N4BP2: variants seen among roughly 807,000 people sequenced by gnomAD.
N4BP2 encodes NEDD4 binding protein 2.
N4BP2 carries 91 observed loss-of-function variants against 152.8 expected under a neutral mutation model. That is an observed-to-expected ratio of 0.60 (90% CI 0.50 to 0.71). The LOEUF (loss-of-function observed/expected upper bound fraction) is 0.71, where lower values mean the gene tolerates loss of function less well. Ranked by LOEUF, N4BP2 falls within the 30% of genes least tolerant of loss-of-function variation. The pLI is 0.00. For synonymous variants in N4BP2, 646 were observed against 705.3 expected, an observed-to-expected ratio of 0.92 and a Z score of 1.33; for missense variants, 1,923 against 2,059.1, an observed-to-expected ratio of 0.93 and a Z score of 1.28.
At position 40,084,951 on chromosome 4, in the gene N4BP2, C is replaced by T. The variant is rs376658244; in HGVS notation, c.-115+11400C>T. Among the ~76,000 whole-genome samples the T allele has an allele frequency of 4.8e-4, 62 of 128,286 alleles. No homozygotes were observed. The East Asian group carries it at 7.8e-3, about 16-fold the overall frequency. 84.2% of individuals were successfully genotyped at this position (128,286 alleles called of 152,430 possible). A position where few individuals can be genotyped will look rare whatever the true frequency, so the allele number is the denominator to read the frequency against. The stretch of plus-strand genomic sequence containing the variant: ...TTTTTGAGATGGAGTCTCGCTGTGT[C>T]GCCCAGGCTAGAATGCAGTGGTGCG... On this transcript the variant is annotated intron_variant, in intron 2 of 17. Transcript: ENST00000261435.
chr4:40,065,126 A>G (rs1560566638), intron 1 of N4BP2, among the ~76,000 whole-genome samples: 1 of 152,140 alleles, frequency 6.6e-6, no homozygotes, highest in Non-Finnish European at 1.5e-5. Flanking sequence ...GAAATGGGCT[A>G]CCTTGTGTGG....
At position 40,120,675 on chromosome 4, in the gene N4BP2, A is replaced by T; in HGVS notation, c.2564A>T (p.Gln855Leu). 1 of 1,614,134 alleles carries T rather than the reference A, an allele frequency of 6.2e-7. No individual in the cohort carries two copies. Among genetic ancestry groups the T allele is most frequent in the African/African-American group, 1.3e-5 (1 of 75,062 alleles). The change falls in exon 9 of 18, where the codon CAG (glutamine) becomes CTG (leucine). Residue 855 changes from glutamine (Q) to leucine (L), a missense_variant. Gln to Leu is a moderately radical substitution (Grantham distance 113, BLOSUM62 -2). Transcript: ENST00000261435. ...AGTGTAGAGGATGGCAGAAAGTCAC[A>T]GTGTGATGATGCTTCAGAGCCACTC... Reference protein sequence around the residue: ...HESVEDGRKSQCDDASEPLNS... With the variant: ...HESVEDGRKSLCDDASEPLNS...
At chr4:40,110,729 G>A (rs963480915) in intron 5 of N4BP2, among the ~76,000 whole-genome samples, 3 of 152,072 alleles carry the variant, frequency 2.0e-5, no homozygotes, top group Non-Finnish European at 4.4e-5. Flanking sequence ...GTAGAGACGG[G>A]GTTTCACTGT....
intron 1 of N4BP2, among the ~76,000 whole-genome samples, chr4:40,061,763 C>T (rs1733673975): frequency 6.6e-6 from 1 of 151,746 alleles, no homozygotes; most frequent in South Asian, 2.1e-4. Context: ...CTACCACATT[C>T]AAGTGATTCT....
intron 1 of N4BP2, among the ~76,000 whole-genome samples, chr4:40,061,821 C>T (rs749498973): frequency 3.3e-5 from 5 of 151,488 alleles, no homozygotes; most frequent in Non-Finnish European, 4.4e-5. Context: ...CCTGCCACCA[C>T]GCTTGGCTAA....
intron 16 of N4BP2, among the ~76,000 whole-genome samples, chr4:40,150,765 T>TA (rs1325861486): frequency 6.6e-6 from 1 of 152,164 alleles, no homozygotes; most frequent in African/African-American, 2.4e-5. Flanking sequence ...GAAACCTTGT[T>TA]ACTTAAGAAA....
chr4:40,118,119 T>C (rs1717525797), intron 8 of N4BP2, 95 bp downstream of exon 8: 1 of 1,101,920 alleles, frequency 9.1e-7, no homozygotes, highest in Non-Finnish European at 1.2e-6. Context: ...TGATAAACTT[T>C]AAAAATAAGG....
Position 40,157,447 on chromosome 4 carries a change from A to T in N4BP2, c.*3210A>T, listed in dbSNP as rs1397754018. 6.6e-6 allele frequency: 1 copy of T among 152,024 alleles called. No individual in the cohort carries two copies. Among genetic ancestry groups the T allele is most frequent in the East Asian group, 1.9e-4 (1 of 5,190 alleles). 9.4% of individuals were successfully genotyped at this position (152,024 alleles called of 1,614,324 possible). The stretch of plus-strand genomic sequence containing the variant: ...TTTAGGTCTTTTCTTTTTGAATTCA[A>T]GTGTTTTGTATGCTTAGAAAGTAGA... On this transcript the variant is annotated 3_prime_UTR_variant, in exon 18 of 18. Coordinates refer to ENST00000261435, the MANE Select transcript of N4BP2 (RefSeq NM_018177.6).
intron 13 of N4BP2, among the ~76,000 whole-genome samples, chr4:40,134,921 CTT>C (rs1379191541): frequency 4.5e-5 from 3 of 66,106 alleles, no homozygotes; most frequent in Non-Finnish European, 1.0e-4. Context: ...CTCTCTCTCT[CTT>C]TCTTTCTTTT....
At chr4:40,179,309 G>T in the N4BP2 span, among the ~76,000 whole-genome samples, 3 of 152,144 alleles carry the variant, frequency 2.0e-5, no homozygotes, top group Non-Finnish European at 4.4e-5. Context: ...GGCAGAGCTT[G>T]CAGTGAGCCA....
At chr4:40,135,796 A>G (rs1200218466) in intron 13 of N4BP2, among the ~76,000 whole-genome samples, 1 of 152,148 alleles carries the variant, frequency 6.6e-6, no homozygotes, top group Non-Finnish European at 1.5e-5. Flanking sequence ...TGAACTCCTG[A>G]CCTCAGGTGA....
rs184383378 is a variant in N4BP2 at position 40,071,630 on chromosome 4, G to A, written c.-211-1825G>A. Among the ~76,000 whole-genome samples the A allele has an allele frequency of 3.0e-3, 449 of 151,864 alleles. 6 individuals carry two copies. In the East Asian group the frequency reaches 0.03, roughly 10 times the overall value. On this transcript the variant is annotated intron_variant, in intron 1 of 17. Coordinates refer to ENST00000261435, the MANE Select transcript of N4BP2 (RefSeq NM_018177.6). Reference sequence around the variant, plus strand: ...TGCCCAGGCTGGAGTGCAATGGTGCGATCTCGGCTCACTGCAACCTCTGTC... The same window carrying A: ...TGCCCAGGCTGGAGTGCAATGGTGCAATCTCGGCTCACTGCAACCTCTGTC...
chr4:40,117,451 T>C lies in N4BP2; in HGVS notation c.1665-418T>C, dbSNP rs186953586. On this transcript the variant is annotated intron_variant, in intron 7 of 17. Transcript: ENST00000261435. The stretch of plus-strand genomic sequence containing the variant: ...CATTAAGACCAAACCTTTGAGGGGC[T>C]AAAGCATAACATCTGGCCTCCTGGC... Among the ~76,000 whole-genome samples the C allele has an allele frequency of 9.2e-5, 14 of 152,342 alleles. No homozygotes were observed. In the East Asian group the frequency reaches 2.7e-3, roughly 29 times the overall value.
intron 1 of N4BP2, among the ~76,000 whole-genome samples, chr4:40,067,365 T>C (rs1380812479): frequency 2.0e-5 from 3 of 152,094 alleles, no homozygotes; most frequent in African/African-American, 7.2e-5. Context: ...CCTTTTTTTT[T>C]TTTTTAAGGC....
At chr4:40,088,658 G>C (rs972973182) in intron 2 of N4BP2, among the ~76,000 whole-genome samples, 3 of 151,854 alleles carry the variant, frequency 2.0e-5, no homozygotes, top group Non-Finnish European at 4.4e-5. Flanking sequence ...GCACCACTAC[G>C]CCTGGCTAAT....
Position 40,124,327 on chromosome 4 carries a change from A to T in N4BP2, c.4330+122A>T, listed in dbSNP as rs1480936419. ...TACCCACAAATTTTGATTTGCAAATAAAAGTTTTATTTATTTATTTATTTA... is the reference window on the plus strand; with the variant it reads ...TACCCACAAATTTTGATTTGCAAATTAAAGTTTTATTTATTTATTTATTTA... On this transcript the variant is annotated intron_variant, in intron 11 of 17. Transcript: ENST00000261435. 1.3e-5 allele frequency: 7 copies of T among 528,338 alleles called. No homozygotes were observed. The East Asian group carries it at 2.5e-4, about 19-fold the overall frequency. 32.7% of individuals were successfully genotyped at this position (528,338 alleles called of 1,614,324 possible).
At chr4:40,175,126 T>C in the N4BP2 span, among the ~76,000 whole-genome samples, 539 of 152,016 alleles carry the variant, frequency 3.5e-3, 1 homozygote, top group Admixed American at 8.7e-3. Context: ...CCTCAAGCAA[T>C]CCTCCTGCCT....
intron 11 of N4BP2, among the ~76,000 whole-genome samples, chr4:40,125,787 T>C (rs1293918847): frequency 6.6e-6 from 1 of 150,664 alleles, no homozygotes; most frequent in Non-Finnish European, 1.5e-5. Context: ...CTTCGGAGGC[T>C]GAGGCAGGAG....
chr4:40,115,626 G>A (rs976505434), intron 7 of N4BP2, among the ~76,000 whole-genome samples: 2 of 151,960 alleles, frequency 1.3e-5, no homozygotes, highest in Non-Finnish European at 2.9e-5. Context: ...TAACTCTTGG[G>A]TTATGTCGTA....
Sources: gnomAD v4.1 joint callset for allele counts (sites outside exome capture counted in the v4.1 genomes callset) on GRCh38, gnomAD v4.1.1 for gene constraint, MANE v1.5 for transcripts, NCBI Gene and HGNC (gene_info 2026-07-23, HGNC 2026-07-21) for gene names.